Variants in POR observed in about 807,000 individuals in gnomAD.
POR encodes cytochrome p450 oxidoreductase, also known as NADPH--cytochrome P450 reductase.
A neutral mutation model predicts 84.0 loss-of-function variants in POR; 56 were observed. The ratio of observed to expected loss-of-function variants is 0.67; its 90% CI spans 0.54 to 0.83. The LOEUF (loss-of-function observed/expected upper bound fraction) is 0.83. Ranked by LOEUF, POR falls within the 40% of genes least tolerant of loss-of-function variation. The pLI is 0.00. For synonymous variants in POR, 414 were observed against 400.5 expected, an observed-to-expected ratio of 1.03 and a Z score of -0.40; for missense variants, 938 against 944.3, an observed-to-expected ratio of 0.99 and a Z score of 0.09.
chr7:75,965,860 G>A (rs958611352), intron 2 of POR, among the ~76,000 whole-genome samples: 21 of 152,170 alleles, frequency 1.4e-4, no homozygotes, highest in African/African-American at 4.8e-4. Flanking sequence ...AGAGCATCCT[G>A]AGGACACGGC....
At chr7:75,967,594 C>G (rs1286709612) in intron 2 of POR, among the ~76,000 whole-genome samples, 5 of 151,464 alleles carry the variant, frequency 3.3e-5, no homozygotes, top group Admixed American at 3.3e-4. Flanking sequence ...TAGCAACCTG[C>G]AGGCTGTCTT....
chr7:75,946,006 A>G (rs1158454930), intron 1 of POR, among the ~76,000 whole-genome samples: 4 of 152,060 alleles, frequency 2.6e-5, no homozygotes, highest in African/African-American at 9.7e-5. Flanking sequence ...AGTGCCCCCC[A>G]GCCTGTGTGC....
intron 1 of POR, among the ~76,000 whole-genome samples, chr7:75,943,314 T>C (rs1554551768): frequency 6.6e-6 from 1 of 152,138 alleles, no homozygotes; most frequent in African/African-American, 2.4e-5. Flanking sequence ...CAGTTATTCT[T>C]GTTCAGAAAA....
At chr7:75,981,826 A>G (rs1407678692) in intron 7 of POR, 10 of 587,196 alleles carry the variant, frequency 1.7e-5, no homozygotes, top group Non-Finnish European at 2.4e-5. Context: ...ACAAGGACAC[A>G]TCGCGTCGGG....
intron 1 of POR, among the ~76,000 whole-genome samples, chr7:75,949,952 G>A (rs761755128): frequency 1.3e-5 from 2 of 151,722 alleles, no homozygotes; most frequent in Non-Finnish European, 2.9e-5. Flanking sequence ...TCTGCCTTCC[G>A]GGTTCACACC....
intron 12 of POR, 172 bp from the exon 13 acceptor site, chr7:75,985,407 G>A (rs1030943932): frequency 4.5e-6 from 5 of 1,119,310 alleles, no homozygotes; most frequent in South Asian, 1.7e-5. Flanking sequence ...TCCAGCCCCG[G>A]TCCCCAGAAC....
At chr7:75,954,626 A>G (rs1585106029) in intron 2 of POR, among the ~76,000 whole-genome samples, 1 of 148,620 alleles carries the variant, frequency 6.7e-6, no homozygotes. Context: ...TGTAATCTCC[A>G]CCTCCCAGGC....
At chr7:75,926,966 G>A (rs1554549596) in intron 1 of POR, among the ~76,000 whole-genome samples, 1 of 152,050 alleles carries the variant, frequency 6.6e-6, no homozygotes, top group Non-Finnish European at 1.5e-5. Context: ...TGGCCAGGAT[G>A]TCAGCTGCAA....
intron 2 of POR, among the ~76,000 whole-genome samples, chr7:75,955,896 G>C (rs1208981864): frequency 1.3e-5 from 2 of 152,172 alleles, no homozygotes; most frequent in Non-Finnish European, 2.9e-5. Flanking sequence ...TCCAATCTGG[G>C]TATCAGCCTT....
chr7:75,919,402 T>TGC (rs1806743419), intron 1 of POR, among the ~76,000 whole-genome samples: 1 of 151,882 alleles, frequency 6.6e-6, no homozygotes, highest in South Asian at 2.1e-4. Flanking sequence ...TGTGTGTGTG[T>TGC]GTGTGTATGC....
intron 3 of POR, among the ~76,000 whole-genome samples, chr7:75,974,524 C>CTTTTTTTTTTTTTT (rs1238804117): frequency 3.3e-4 from 36 of 107,896 alleles, no homozygotes; most frequent in South Asian, 6.5e-4. Flanking sequence ...TTTTTCTTTT[C>CTTTTTTTTTTTTTT]TTTTTTTTTT....
chr7:75,966,652 G>A (rs7796654), intron 2 of POR, among the ~76,000 whole-genome samples: 105,065 of 152,052 alleles, frequency 0.69, 37,194 homozygotes, highest in Middle Eastern at 0.77. Context: ...AATCGAGTCC[G>A]CTGCAGAAAA....
intron 3 of POR, among the ~76,000 whole-genome samples, chr7:75,974,775 A>C (rs567745818): frequency 6.6e-6 from 1 of 152,108 alleles, no homozygotes; most frequent in East Asian, 1.9e-4. Context: ...CATCCACTCA[A>C]CTTGGCCTCC....
In POR at chr7:75,934,366, C is replaced by A. The variant is rs1209588604; in HGVS notation, c.-5+19187C>A. Among the ~76,000 whole-genome samples the A allele has an allele frequency of 3.2e-4, 49 of 152,026 alleles. 1 individual carries two copies. The highest frequency in any genetic ancestry group is 1.1e-3 in the African/African-American group (47 of 41,398). On this transcript the variant is annotated intron_variant, in intron 1 of 15. Coordinates refer to ENST00000461988, the MANE Select transcript of POR (RefSeq NM_000941.3). ...AGGTGACCTGGGTGCTTTTACTACC[C>A]TACATTCAGATGTGGGAGCAAAGAA... is the stretch of plus-strand genomic sequence containing the variant.
intron 8 of POR, chr7:75,983,314 C>T: frequency 1.8e-6 from 1 of 545,588 alleles, no homozygotes; most frequent in South Asian, 2.5e-5. Context: ...GCACTCCAGC[C>T]TGGGTGGCAG....
intron 1 of POR, among the ~76,000 whole-genome samples, chr7:75,930,324 A>G (rs1807351285): frequency 6.6e-6 from 1 of 152,034 alleles, no homozygotes; most frequent in Admixed American, 6.6e-5. Context: ...TTTTAGAGAC[A>G]TTCAGAAACT....
chr7:75,979,873 C>T (rs1272305550), intron 4 of POR: 4 of 412,190 alleles, frequency 9.7e-6, no homozygotes, highest in Admixed American at 3.8e-5. Context: ...AACCCACCCT[C>T]CCCAGCTGCT....
rs1474549769 is a variant in POR, at chr7:75,915,167, C to A, written c.-17C>A. ...TGCCCAGGTGCCCGCAGAGAGCAGC[C>A]GGGCTGCCAGCGGTGAGTGCTATCT... On this transcript the variant is annotated 5_prime_UTR_variant, in exon 1 of 16. Coordinates refer to ENST00000461988, the MANE Select transcript of POR (RefSeq NM_000941.3). 1 of 154,560 alleles carries A rather than the reference C, an allele frequency of 6.5e-6. No homozygotes were observed. The highest frequency in any genetic ancestry group is 2.4e-5 in the African/African-American group (1 of 41,654). The allele number at this position is 154,560 out of a possible 1,614,324, so 9.6% of individuals were successfully genotyped here.
chr7:75,986,133 CCT>C (rs1460089287), intron 14 of POR, 24 bp from the exon 15 acceptor site: 1 of 1,595,244 alleles, frequency 6.3e-7, no homozygotes, highest in Admixed American at 1.7e-5. Flanking sequence ...ACAGTGCCCC[CCT>C]CACAGCACCA....
Sources: gnomAD v4.1 joint callset for allele counts (sites outside exome capture counted in the v4.1 genomes callset) on GRCh38, gnomAD v4.1.1 for gene constraint, MANE v1.5 for transcripts, NCBI Gene and HGNC (gene_info 2026-07-23, HGNC 2026-07-21) for gene names.